PCSK5: variants seen among roughly 807,000 people sequenced by gnomAD.
PCSK5 encodes the protein prohormone convertase 5.
PCSK5 carries 129 observed loss-of-function variants against 233.2 expected under a neutral mutation model. The observed-to-expected ratio is 0.55, with a 90% CI of 0.48 to 0.64. The LOEUF is 0.64. Among genes scored for constraint, PCSK5 ranks in the 30% least tolerant of loss-of-function variants. The probability of loss-of-function intolerance (pLI) is 0.00; values close to 1 mark genes in which losing one functional copy is unlikely to be tolerated. For synonymous variants in PCSK5, 825 were observed against 879.2 expected, an observed-to-expected ratio of 0.94 and a Z score of 1.09; for missense variants, 2,076 against 2,430.1, an observed-to-expected ratio of 0.85 and a Z score of 3.06.
At chr9:76,181,051 A>G (rs1367536182) in intron 15 of PCSK5, among the ~76,000 whole-genome samples, 1 of 152,226 alleles carries the variant, frequency 6.6e-6, no homozygotes, top group Non-Finnish European at 1.5e-5. Flanking sequence ...CACCTTTTTA[A>G]AGGGACCTTT....
chr9:76,278,509 A>G (rs1235915643), intron 24 of PCSK5, among the ~76,000 whole-genome samples: 1 of 152,182 alleles, frequency 6.6e-6, no homozygotes, highest in African/African-American at 2.4e-5. Flanking sequence ...AATGATGTCT[A>G]GAACTCAGGA....
intron 32 of PCSK5, among the ~76,000 whole-genome samples, chr9:76,326,394 G>A (rs977217806): frequency 1.7e-4 from 26 of 150,078 alleles, no homozygotes; most frequent in Non-Finnish European, 7.4e-5. Flanking sequence ...GCAAAAAAAA[G>A]AAAAAAAAAT....
intron 4 of PCSK5, among the ~76,000 whole-genome samples, chr9:76,025,673 T>G (rs1455270625): frequency 6.6e-6 from 1 of 152,176 alleles, no homozygotes; most frequent in Admixed American, 6.5e-5. Context: ...ACCCCATATC[T>G]TTGTGGTCTT....
At chr9:76,128,524 G>T (rs1191499042) in intron 9 of PCSK5, among the ~76,000 whole-genome samples, 1 of 152,128 alleles carries the variant, frequency 6.6e-6, no homozygotes, top group Non-Finnish European at 1.5e-5. Context: ...CATAGGGGCT[G>T]CAAAAAACAT....
chr9:76,006,033 T>C (rs997504667), intron 3 of PCSK5, among the ~76,000 whole-genome samples: 14 of 151,748 alleles, frequency 9.2e-5, no homozygotes, highest in African/African-American at 3.4e-4. Context: ...TTTTTTTTTT[T>C]TTAATTTTTT....
chr9:76,095,113 C>T (rs1225360781), intron 7 of PCSK5, among the ~76,000 whole-genome samples: 1 of 152,202 alleles, frequency 6.6e-6, no homozygotes, highest in East Asian at 1.9e-4. Context: ...AAGAGGCTCA[C>T]TTAATTTTGT....
chr9:76,050,935 T>A (rs1416502994), intron 5 of PCSK5, among the ~76,000 whole-genome samples: 1 of 152,134 alleles, frequency 6.6e-6, no homozygotes, highest in Admixed American at 6.5e-5. Context: ...TTGTAAAGAA[T>A]GAGCCATATG....
At chr9:76,238,223 G>T (rs113973505) in intron 22 of PCSK5, among the ~76,000 whole-genome samples, 293 of 152,306 alleles carry the variant, frequency 1.9e-3, no homozygotes, top group Non-Finnish European at 3.0e-3. Flanking sequence ...ATTCCTAACG[G>T]ATTAGAATCC....
At chr9:76,347,763 G>T (rs199681531) in intron 35 of PCSK5, among the ~76,000 whole-genome samples, 7 of 126,218 alleles carry the variant, frequency 5.5e-5, no homozygotes, top group African/African-American at 2.5e-4. Context: ...AAAATAAAAA[G>T]AAAAAAAAAA....
chr9:75,928,596 C>CAT (rs61537466), intron 1 of PCSK5, among the ~76,000 whole-genome samples: 11,332 of 66,024 alleles, frequency 0.17, 1,181 homozygotes, highest in Middle Eastern at 0.24. Flanking sequence ...CATATAAATA[C>CAT]ATATATATAT....
intron 8 of PCSK5, among the ~76,000 whole-genome samples, 179 bp from the exon 9 acceptor site, chr9:76,107,072 G>A (rs975145676): frequency 7.2e-6 from 1 of 138,650 alleles, no homozygotes; most frequent in African/African-American, 2.7e-5. Flanking sequence ...TCCCTTTTCA[G>A]AGTTGATCTA....
intron 27 of PCSK5, among the ~76,000 whole-genome samples, chr9:76,297,647 G>A (rs879031632): frequency 6.6e-6 from 1 of 152,154 alleles, no homozygotes; most frequent in African/African-American, 2.4e-5. Flanking sequence ...CTTCCTGTTG[G>A]AAAAATCTGA....
chr9:76,159,484 T>C (rs1213613297), intron 12 of PCSK5, among the ~76,000 whole-genome samples: 1 of 152,192 alleles, frequency 6.6e-6, no homozygotes, highest in Non-Finnish European at 1.5e-5. Flanking sequence ...TCCCCCACCA[T>C]TAAGTATCTG....
At chr9:76,168,037 G>A (rs559034290) in intron 12 of PCSK5, among the ~76,000 whole-genome samples, 1 of 152,076 alleles carries the variant, frequency 6.6e-6, no homozygotes, top group South Asian at 2.1e-4. Flanking sequence ...ATACAAAAAG[G>A]ACTTGCCCCG....
intron 3 of PCSK5, among the ~76,000 whole-genome samples, chr9:76,015,479 T>A (rs1827911151): frequency 6.6e-6 from 1 of 152,222 alleles, no homozygotes; most frequent in South Asian, 2.1e-4. Context: ...ATTTTTATTA[T>A]GAACTTTAAA....
chr9:76,164,215 C>G (rs1407039149), intron 12 of PCSK5, among the ~76,000 whole-genome samples: 1 of 152,166 alleles, frequency 6.6e-6, no homozygotes, highest in Non-Finnish European at 1.5e-5. Flanking sequence ...AAAAATTACA[C>G]TTTTGCAGTG....
intron 9 of PCSK5, among the ~76,000 whole-genome samples, chr9:76,125,051 C>G (rs1178410492): frequency 6.6e-6 from 1 of 152,020 alleles, no homozygotes. Flanking sequence ...CTATACTCTC[C>G]TCTTACATTT....
At chr9:76,226,804 T>C (rs575512403) in intron 20 of PCSK5, among the ~76,000 whole-genome samples, 1 of 152,256 alleles carries the variant, frequency 6.6e-6, no homozygotes, top group South Asian at 2.1e-4. Context: ...TTCCATGAGA[T>C]TGGCCTCCCT....
chr9:75,929,961 C>G (rs1412370367), intron 1 of PCSK5, among the ~76,000 whole-genome samples: 1 of 151,416 alleles, frequency 6.6e-6, no homozygotes, highest in East Asian at 1.9e-4. Flanking sequence ...CTCCCAGATT[C>G]AAGTGATTCT....
Sources: allele counts gnomAD v4.1 joint callset (sites outside exome capture counted in the v4.1 genomes callset), GRCh38; gene constraint gnomAD v4.1.1; transcripts MANE v1.5; gene names NCBI Gene and HGNC (gene_info 2026-07-23, HGNC 2026-07-21).